RUNX1: variants seen among roughly 807,000 people sequenced by gnomAD.
The protein encoded by RUNX1 is RUNX family transcription factor 1, also known as runt-related transcription factor 1.
Under a neutral mutation model 42.8 loss-of-function variants are expected in RUNX1, and 19 were observed. The ratio of observed to expected loss-of-function variants is 0.44; its 90% CI spans 0.31 to 0.65. The LOEUF (loss-of-function observed/expected upper bound fraction) is 0.65. Ranked by LOEUF, RUNX1 falls within the 30% of genes least tolerant of loss-of-function variation. The pLI, the probability that RUNX1 is intolerant of heterozygous loss-of-function variation, is 0.07. For synonymous variants in RUNX1, 271 were observed against 289.4 expected (o/e 0.94, Z 0.64); for missense variants, 528 against 672.0 (o/e 0.79, Z 2.37).
At position 34,790,775 on chromosome 21, in the gene RUNX1, G is replaced by A. The variant is rs190173314; in HGVS notation, c.*1360C>T. The A allele has an allele frequency of 3.7e-4, 87 of 233,278 alleles. No individual in the cohort carries two copies. The Middle Eastern group carries it at 5.1e-3, about 14-fold the overall frequency. 14.5% of individuals were successfully genotyped at this position (233,278 alleles called of 1,614,324 possible). On this transcript the variant is annotated 3_prime_UTR_variant, in exon 9 of 9. Transcript: ENST00000675419. ...GCACACAGAGGCAAATTGACTCCTCGAGGCCTGCTTCTGGTGGGCCCTTAA... is the reference window on the plus strand; with the variant it reads ...GCACACAGAGGCAAATTGACTCCTCAAGGCCTGCTTCTGGTGGGCCCTTAA...
intron 2 of RUNX1, among the ~76,000 whole-genome samples, chr21:34,953,071 A>C (rs1390717987): frequency 6.6e-6 from 1 of 151,902 alleles, no homozygotes; most frequent in Non-Finnish European, 1.5e-5. Flanking sequence ...AGGCACAAAG[A>C]CTTAAGGGAT....
At chr21:34,887,140 T>C in intron 3 of RUNX1, 44 bp from the exon 4 acceptor site, 1 of 1,596,874 alleles carries the variant, frequency 6.3e-7, no homozygotes, top group Non-Finnish European at 8.5e-7. Context: ...GTTAGGACCC[T>C]GCAAACAGCT....
At chr21:34,840,083 A>G (rs1016402638) in intron 6 of RUNX1, among the ~76,000 whole-genome samples, 2 of 152,188 alleles carry the variant, frequency 1.3e-5, no homozygotes, top group African/African-American at 4.8e-5. Flanking sequence ...AACTGGGCAC[A>G]TTCTGTCAGA....
chr21:34,810,663 C>A (rs529855878), intron 7 of RUNX1, among the ~76,000 whole-genome samples: 109 of 152,278 alleles, frequency 7.2e-4, no homozygotes, highest in African/African-American at 2.5e-3. Flanking sequence ...AGTTTCCCCC[C>A]ATAAGGAGAT....
At chr21:34,861,646 G>A (rs956414638) in intron 5 of RUNX1, among the ~76,000 whole-genome samples, 4 of 151,986 alleles carry the variant, frequency 2.6e-5, no homozygotes, top group East Asian at 1.9e-4. Context: ...TGCACCCTCC[G>A]AGTTCTACCC....
chr21:35,031,322 T>C lies in RUNX1; in HGVS notation c.58+17520A>G, dbSNP rs9984138. 6.6e-3 allele frequency among the ~76,000 whole-genome samples: 1,009 copies of C among 152,228 alleles called. 4 individuals carry two copies. The highest frequency in any genetic ancestry group is 0.023 in the African/African-American group (939 of 41,524). On this transcript the variant is annotated intron_variant, in intron 2 of 8. Transcript: ENST00000675419. Reference sequence around the variant, plus strand: ...GAGATCGTGCCACTGCACTCCAGCCTGGGCAACAAGAACGAAACTCCGTCT... The same window carrying C: ...GAGATCGTGCCACTGCACTCCAGCCCGGGCAACAAGAACGAAACTCCGTCT...
intron 5 of RUNX1, among the ~76,000 whole-genome samples, chr21:34,870,940 G>C (rs1203646788): frequency 1.3e-5 from 2 of 151,990 alleles, no homozygotes; most frequent in Non-Finnish European, 2.9e-5. Flanking sequence ...CCTGGTGACA[G>C]GGCGAGACTC....
intron 2 of RUNX1, among the ~76,000 whole-genome samples, chr21:34,985,566 C>T (rs184018161): frequency 5.4e-4 from 82 of 152,264 alleles, no homozygotes; most frequent in African/African-American, 1.9e-3. Flanking sequence ...CTCAGGGCAA[C>T]CACACACCAA....
At chr21:34,977,925 AT>A (rs140996531) in intron 2 of RUNX1, among the ~76,000 whole-genome samples, 5,452 of 144,826 alleles carry the variant, frequency 0.038, 153 homozygotes, top group East Asian at 0.15. Context: ...AGTAAACAGC[AT>A]TTTTTTTTTT....
At chr21:35,016,473 G>A (rs963765579) in intron 2 of RUNX1, among the ~76,000 whole-genome samples, 1 of 152,198 alleles carries the variant, frequency 6.6e-6, no homozygotes, top group African/African-American at 2.4e-5. Flanking sequence ...TACGCCAGCT[G>A]CAGAAGTAAT....
chr21:34,999,479 G>A (rs1463052963), intron 2 of RUNX1, among the ~76,000 whole-genome samples: 2 of 152,214 alleles, frequency 1.3e-5, no homozygotes, highest in Non-Finnish European at 2.9e-5. Context: ...TTCTCAGGCT[G>A]TTGCTCAACA....
chr21:34,888,814 G>A (rs2058036523), intron 3 of RUNX1: 7 of 465,512 alleles, frequency 1.5e-5, no homozygotes, highest in Middle Eastern at 9.7e-4. Context: ...TATCAGCCAG[G>A]GCGCGGCTCG....
chr21:35,038,458 C>A, intron 2 of RUNX1: 1 of 452,290 alleles, frequency 2.2e-6, no homozygotes, highest in Admixed American at 2.4e-5. Flanking sequence ...TCCTGGTGAG[C>A]AGAGACATGA....
intron 5 of RUNX1, among the ~76,000 whole-genome samples, chr21:34,879,795 C>A (rs867369087): frequency 7.2e-5 from 11 of 151,992 alleles, no homozygotes; most frequent in Admixed American, 3.9e-4. Flanking sequence ...TAATTGGAAA[C>A]CAGAAAAAAT....
rs1046023457 is a variant in RUNX1 at position 34,855,213 on chromosome 21, TCTC to T, written c.613+4258_613+4260del. 4.6e-5 allele frequency among the ~76,000 whole-genome samples: 7 copies of T among 152,086 alleles called. No homozygotes were observed. The South Asian group carries it at 6.2e-4, about 14-fold the overall frequency. On this transcript the variant is annotated intron_variant, in intron 6 of 8. Transcript: ENST00000675419. Reference sequence around the variant, plus strand: ...GTCAGTTAGGGTCCCCACTGCTCACTCTCCTCAACCTCTCCTTGGCAAAATATC... The same window carrying T: ...GTCAGTTAGGGTCCCCACTGCTCACTCTCAACCTCTCCTTGGCAAAATATC...
intron 1 of RUNX1, 38 bp downstream of exon 1, chr21:35,049,130 A>T (rs1336028820): frequency 4.0e-6 from 2 of 498,866 alleles, no homozygotes. Flanking sequence ...AAAAAAAAAA[A>T]GCCAGCGCCG....
chr21:34,885,684 C>T (rs181939754), intron 4 of RUNX1, among the ~76,000 whole-genome samples: 52 of 152,288 alleles, frequency 3.4e-4, no homozygotes, highest in African/African-American at 1.1e-3. Flanking sequence ...CAAGACCCAG[C>T]TGAGGCTTGG....
At chr21:34,853,863 A>G (rs1350320113) in intron 6 of RUNX1, among the ~76,000 whole-genome samples, 1 of 144,992 alleles carries the variant, frequency 6.9e-6, no homozygotes, top group East Asian at 2.0e-4. Flanking sequence ...CCCAGGCTGG[A>G]GTACAGTGGC....
intron 2 of RUNX1, among the ~76,000 whole-genome samples, chr21:34,903,169 C>T (rs2058190798): frequency 1.3e-5 from 2 of 151,962 alleles, no homozygotes; most frequent in Non-Finnish European, 2.9e-5. Flanking sequence ...GAGAATAGAC[C>T]CACAGTTACT....
Sources: allele counts gnomAD v4.1 joint callset (sites outside exome capture counted in the v4.1 genomes callset), GRCh38; gene constraint gnomAD v4.1.1; transcripts MANE v1.5; gene names NCBI Gene and HGNC (gene_info 2026-07-23, HGNC 2026-07-21).